The following SLC44A2 variants were observed in gnomAD, a reference collection of about 807,000 sequenced individuals.
SLC44A2 encodes the protein solute carrier family 44 member 2 (CTL2 blood group), also known as choline transporter-like protein 2.
Under a neutral mutation model 90.8 loss-of-function variants are expected in SLC44A2, and 57 were observed. The observed-to-expected ratio is 0.63, with a 90% CI of 0.51 to 0.78. The LOEUF is 0.78. SLC44A2 is among the 30% of genes least tolerant of loss of function. SLC44A2 has a pLI of 0.00. For missense variants in SLC44A2, 794 were observed against 919.7 expected (o/e 0.86, Z 1.77); for synonymous variants, 355 against 360.7 (o/e 0.98, Z 0.18).
Position 10,636,567 on chromosome 19 carries a change from C to T in SLC44A2, c.1478C>T (p.Ala493Val), listed in dbSNP as rs762179162. Residue 493 changes from alanine (A) to valine (V), a missense_variant, in exon 15 of 22, where the codon GCC (alanine) becomes GTC (valine). By Grantham distance (64) the Ala-to-Val change is moderately conservative. Transcript: ENST00000335757. ...CTGCCGGCCTTCCCGCTCTTCTCTG[C>T]CTTTGGCCGGGCGCTCAGGTGGGCT... Reference protein sequence around the residue: ...DDLPAFPLFSAFGRALRYHTG... With the variant: ...DDLPAFPLFSVFGRALRYHTG... 19 of 1,605,754 alleles carry T rather than the reference C, an allele frequency of 1.2e-5. 1 individual carries two copies. The South Asian group carries it at 1.9e-4, about 16-fold the overall frequency.
chr19:10,611,717 G>A (rs1333926048), intron 1 of SLC44A2, among the ~76,000 whole-genome samples: 2 of 152,044 alleles, frequency 1.3e-5, no homozygotes, highest in South Asian at 4.2e-4. Flanking sequence ...AGCCACTCTG[G>A]AGGGTGAGGT....
Position 10,631,086 on chromosome 19 carries a change from T to C in SLC44A2, c.275T>C (p.Ile92Thr), listed in dbSNP as rs1394367548. Residue 92 changes from isoleucine (I) to threonine (T), a missense_variant, in exon 5 of 22, where the codon ATT becomes ACT. By Grantham distance (89) the Ile-to-Thr change is moderately conservative (BLOSUM62 -1). This residue lies in a region of SLC44A2 where 738 missense variants were observed against 841.1 expected (regional missense o/e 0.88). Coordinates refer to ENST00000335757, the MANE Select transcript of SLC44A2 (RefSeq NM_020428.4). ...AAACCCTATCTGTTTTATTTCAACATTGTGAAATGTGCCAGCCCCCTGGTT... is the reference window on the plus strand; with the variant it reads ...AAACCCTATCTGTTTTATTTCAACACTGTGAAATGTGCCAGCCCCCTGGTT... Reference protein sequence around the residue: ...ENKPYLFYFNIVKCASPLVLL... With the variant: ...ENKPYLFYFNTVKCASPLVLL... 1 of 1,614,006 alleles carries C rather than the reference T, an allele frequency of 6.2e-7. No individual in the cohort carries two copies. The highest frequency in any genetic ancestry group is 1.1e-5 in the South Asian group (1 of 91,084).
upstream of SLC44A2, chr19:10,625,530 G>A (rs1180031459): frequency 3.3e-6 from 4 of 1,228,026 alleles, no homozygotes; most frequent in Non-Finnish European, 4.1e-6. Flanking sequence ...GTGCTGGGAG[G>A]AGCCGCCGCC....
At position 10,643,478 on chromosome 19, in the gene SLC44A2, T is replaced by G; in HGVS notation, c.*93T>G. 1 of 1,424,758 alleles carries G rather than the reference T, an allele frequency of 7.0e-7. No individual in the cohort carries two copies. Among genetic ancestry groups the G allele is most frequent in the Non-Finnish European group, 9.5e-7 (1 of 1,053,170 alleles). The allele number at this position is 1,424,758 out of a possible 1,614,324, so 88.3% of individuals were successfully genotyped here. A position where few individuals can be genotyped will look rare whatever the true frequency, so the allele number is the denominator to read the frequency against. ...CCCAGCCCCTTGGGCTCACCTGAAG[T>G]CCTATCACTGCCGCTCTGCCCCTCC... On this transcript the variant is annotated 3_prime_UTR_variant, in exon 22 of 22. Transcript: ENST00000335757.
chr19:10,643,695 C>T lies in SLC44A2; in HGVS notation c.*310C>T. The T allele has an allele frequency of 3.9e-6, 1 of 256,948 alleles. No individual in the cohort carries two copies. The highest frequency in any genetic ancestry group is 4.8e-5 in the South Asian group (1 of 20,758). The allele number at this position is 256,948 out of a possible 1,614,324, so 15.9% of individuals were successfully genotyped here. ...ACAAGCTCCCTCATGCTTCCTGTCC[C>T]CCGCTTACACGACAACGGGCCAGAC... On this transcript the variant is annotated 3_prime_UTR_variant, in exon 22 of 22. Coordinates refer to ENST00000335757, the MANE Select transcript of SLC44A2 (RefSeq NM_020428.4).
chr19:10,611,067 T>TCCCC (rs1918289576), intron 1 of SLC44A2, among the ~76,000 whole-genome samples: 2 of 152,116 alleles, frequency 1.3e-5, no homozygotes, highest in African/African-American at 4.8e-5. Flanking sequence ...CTGGTTGAAT[T>TCCCC]CCCCGGCTGA....
intron 1 of SLC44A2, 109 bp from the exon 2 acceptor site, chr19:10,626,144 A>G: frequency 2.2e-6 from 2 of 892,142 alleles, no homozygotes; most frequent in East Asian, 4.8e-5. Context: ...TCTGAATTTT[A>G]TTCTTGCCAA....
intron 1 of SLC44A2, among the ~76,000 whole-genome samples, chr19:10,620,297 A>G (rs1313986786): frequency 6.6e-6 from 1 of 152,110 alleles, no homozygotes; most frequent in Admixed American, 6.6e-5. Context: ...CCTAGCAAAC[A>G]TAGTGAAACC....
Position 10,635,238 on chromosome 19 carries a change from C to A in SLC44A2, c.1131C>A (p.Tyr377Ter). Residue 377 changes from tyrosine (Y) to a stop codon, truncating the protein, a stop_gained, in exon 13 of 22, where the codon TAC (tyrosine) becomes TAA (stop). Transcript: ENST00000335757. LOFTEE classifies it high-confidence loss of function. ...TCTTGCTGTGCCTCTGCATCGCCTA[C>A]TGGGCCAGCACTGCTGTGTATCTGC... ...TFFLLCLCIA[Y>*]WASTAVFLST... 1 of 1,614,074 alleles carries A rather than the reference C, an allele frequency of 6.2e-7. No homozygotes were observed. Among genetic ancestry groups the A allele is most frequent in the Non-Finnish European group, 8.5e-7 (1 of 1,180,024 alleles).
chr19:10,636,122 C>G (rs1029733370), intron 14 of SLC44A2: 2 of 636,944 alleles, frequency 3.1e-6, no homozygotes, highest in Non-Finnish European at 5.3e-6. Flanking sequence ...TCTTCTTGAC[C>G]CCAGTGATGG....
chr19:10,613,394 C>T (rs980973625), intron 1 of SLC44A2, among the ~76,000 whole-genome samples: 1 of 151,998 alleles, frequency 6.6e-6, no homozygotes. Flanking sequence ...GGACTACAGG[C>T]GCCCACCACT....
chr19:10,631,224 C>T (rs761734983), intron 5 of SLC44A2, 51 bp from the exon 6 acceptor site: 1 of 1,606,658 alleles, frequency 6.2e-7, no homozygotes, highest in South Asian at 1.1e-5. Flanking sequence ...CGACCTCAGT[C>T]CTGAGCAGTC....
At chr19:10,618,250 C>T (rs1010037742) in intron 1 of SLC44A2, among the ~76,000 whole-genome samples, 1 of 149,822 alleles carries the variant, frequency 6.7e-6, no homozygotes, top group Non-Finnish European at 1.5e-5. Flanking sequence ...TCTCGGTTTA[C>T]TTCAAGCTCC....
intron 1 of SLC44A2, among the ~76,000 whole-genome samples, chr19:10,614,910 A>G (rs8106361): frequency 0.091 from 13,657 of 149,850 alleles, 667 homozygotes; most frequent in Middle Eastern, 0.12. Context: ...GGTAGAGGTC[A>G]CAGTGAGCCA....
At chr19:10,637,559 C>A in intron 16 of SLC44A2, 85 bp from the exon 17 acceptor site, 1 of 1,243,762 alleles carries the variant, frequency 8.0e-7, no homozygotes, top group Non-Finnish European at 1.2e-6. Context: ...TGGACATTGG[C>A]AAGTGTGTGT....
At chr19:10,602,664 G>T in intron 1 of SLC44A2, 1 of 1,096,658 alleles carries the variant, frequency 9.1e-7, no homozygotes, top group Non-Finnish European at 1.2e-6. Context: ...GCTGCGGCTG[G>T]ATGGCCCTCC....
rs1469344909 is a variant in SLC44A2, at chr19:10,631,292, C to A, written c.348C>A (p.Cys116Ter). The part of the protein sequence containing the change: ...CPTPQICVEK[C>*]PDRYLTYLNA... ...CCTCCCAGATCTGCGTGGAAAAATGCCCCGACCGCTACCTCACGTACCTGA... is the reference window on the plus strand; with the variant it reads ...CCTCCCAGATCTGCGTGGAAAAATGACCCGACCGCTACCTCACGTACCTGA... Residue 116 changes from cysteine (C) to a stop codon, truncating the protein, a stop_gained, in exon 6 of 22, where the codon TGC (cysteine) becomes TGA (stop). Coordinates refer to ENST00000335757, the MANE Select transcript of SLC44A2 (RefSeq NM_020428.4). LOFTEE classifies it high-confidence loss of function. 1 of 1,614,140 alleles carries A rather than the reference C, an allele frequency of 6.2e-7. No homozygotes were observed. The highest frequency in any genetic ancestry group is 1.1e-5 in the South Asian group (1 of 91,084).
intron 1 of SLC44A2, among the ~76,000 whole-genome samples, chr19:10,616,354 G>T (rs752562200): frequency 2.6e-5 from 4 of 151,814 alleles, no homozygotes; most frequent in Non-Finnish European, 4.4e-5. Context: ...CCTCAGGCTC[G>T]CAAGTAGCTG....
chr19:10,629,991 G>T (rs1308085466), intron 4 of SLC44A2, among the ~76,000 whole-genome samples: 1 of 152,134 alleles, frequency 6.6e-6, no homozygotes, highest in East Asian at 1.9e-4. Flanking sequence ...CTGACCTCAG[G>T]TGATCCGCCT....
Sources: allele counts gnomAD v4.1 joint callset (sites outside exome capture counted in the v4.1 genomes callset), GRCh38; gene constraint gnomAD v4.1.1; regional missense constraint gnomAD v4.1.1; transcripts MANE v1.5; gene names NCBI Gene and HGNC (gene_info 2026-07-23, HGNC 2026-07-21).